Variants in DGKD observed in about 807,000 individuals in gnomAD.
The protein encoded by DGKD is diacylglycerol kinase delta.
In DGKD, 68 loss-of-function variants were observed where a neutral mutation model predicts 154.4. The observed-to-expected ratio is 0.44, with a 90% CI of 0.36 to 0.54. The LOEUF (loss-of-function observed/expected upper bound fraction) is 0.54, where lower values mean the gene tolerates loss of function less well. DGKD is among the 20% of genes least tolerant of loss of function. DGKD has a pLI of 0.00. For synonymous variants in DGKD, 693 were observed against 638.0 expected (o/e 1.09, Z -1.30); for missense variants, 1,343 against 1,593.6 (o/e 0.84, Z 2.68).
chr2:233,450,882 A>G (rs1307642301), intron 16 of DGKD, 40 bp from the exon 17 acceptor site: 5 of 1,577,158 alleles, frequency 3.2e-6, no homozygotes, highest in Admixed American at 3.4e-5. Flanking sequence ...CACAGTCTCT[A>G]TTCCACACAG....
chr2:233,419,416 C>G, intron 3 of DGKD: 1 of 985,568 alleles, frequency 1.0e-6, no homozygotes, highest in Non-Finnish European at 1.2e-6. Flanking sequence ...GCAGGAAGGG[C>G]AGCAGGTAAG....
intron 10 of DGKD, chr2:233,442,297 T>A: frequency 2.0e-6 from 1 of 504,554 alleles, no homozygotes; most frequent in Non-Finnish European, 3.7e-6. Context: ...GGCTGTTGCT[T>A]TACTGGGTAA....
In DGKD at chr2:233,454,423, G is replaced by A. The variant is rs576615191; in HGVS notation, c.2265-340G>A. 3.1e-4 allele frequency: 150 copies of A among 477,092 alleles called. No homozygotes were observed. In the East Asian group the frequency reaches 7.1e-3, roughly 23 times the overall value. The allele number at this position is 477,092 out of a possible 1,614,324, so 29.6% of individuals were successfully genotyped here. A position where few individuals can be genotyped will look rare whatever the true frequency, so the allele number is the denominator to read the frequency against. Reference sequence around the variant, plus strand: ...TTCCTGTGAACTGCCTAGAAGAGGCGCCTCCGTGGAGGTGGAAAGTAGACG... The same window carrying A: ...TTCCTGTGAACTGCCTAGAAGAGGCACCTCCGTGGAGGTGGAAAGTAGACG... On this transcript the variant is annotated intron_variant, in intron 18 of 29. Transcript: ENST00000264057.
At chr2:233,373,328 T>TGGGTCGGGTTAGGTGGTGA (rs1702416077) in intron 1 of DGKD, among the ~76,000 whole-genome samples, 1 of 152,234 alleles carries the variant, frequency 6.6e-6, no homozygotes, top group Admixed American at 6.5e-5. Context: ...TATGATATTG[T>TGGGTCGGGTTAGGTGGTGA]GGGTCGGGTT....
chr2:233,452,920 C>T lies in DGKD; in HGVS notation c.2264+860C>T, dbSNP rs1482824768. On this transcript the variant is annotated intron_variant, in intron 18 of 29. Transcript: ENST00000264057. This position sits in a 1 kb window ranked among gnomAD's most constrained non-coding sequence, Gnocchi z 4.0. The stretch of plus-strand genomic sequence containing the variant: ...GAGGCTCTGGGTTTGGGAAAGTGGA[C>T]CCCTAGATTCCAGGTGCTGGCCTGG... Among the ~76,000 whole-genome samples, 3 of 152,086 alleles carry T rather than the reference C, an allele frequency of 2.0e-5. No individual in the cohort carries two copies. Among genetic ancestry groups the T allele is most frequent in the Non-Finnish European group, 1.5e-5 (1 of 68,018 alleles).
chr2:233,354,930 G>T lies in DGKD; in HGVS notation c.156+256G>T. Among the ~76,000 whole-genome samples, 1 of 146,760 alleles carries T rather than the reference G, an allele frequency of 6.8e-6. No homozygotes were observed. Among genetic ancestry groups the T allele is most frequent in the African/African-American group, 2.5e-5 (1 of 40,574 alleles). On this transcript the variant is annotated intron_variant, in intron 1 of 29. Coordinates refer to ENST00000264057, the MANE Select transcript of DGKD (RefSeq NM_152879.3). This position sits in a 1 kb window ranked among gnomAD's most constrained non-coding sequence, Gnocchi z 4.8. ...CGCGCAGGTGGGCGCCCCGGGCGCC[G>T]CGCGCTGGGCGGGGGGCGCGCGCCG...
chr2:233,421,017 A>C (rs916221532), intron 3 of DGKD, among the ~76,000 whole-genome samples: 1 of 152,160 alleles, frequency 6.6e-6, no homozygotes, highest in Non-Finnish European at 1.5e-5. Flanking sequence ...CTCCAGAACT[A>C]TCAGCAGCAG....
At chr2:233,403,842 A>G (rs1181278029) in intron 3 of DGKD, among the ~76,000 whole-genome samples, 1 of 152,004 alleles carries the variant, frequency 6.6e-6, no homozygotes, top group East Asian at 1.9e-4. Flanking sequence ...GGGTTTCACC[A>G]TGCTGGCCAG....
intron 3 of DGKD, among the ~76,000 whole-genome samples, chr2:233,414,737 A>G (rs939109701): frequency 2.6e-5 from 4 of 152,198 alleles, no homozygotes; most frequent in Non-Finnish European, 5.9e-5. Flanking sequence ...AAGAAGTGCA[A>G]TAGTAGTGTG....
At chr2:233,358,246 A>G (rs574107027) in intron 1 of DGKD, among the ~76,000 whole-genome samples, 2 of 152,370 alleles carry the variant, frequency 1.3e-5, no homozygotes, top group East Asian at 3.9e-4. Context: ...ATTTCAGTGA[A>G]GAACCGTGTA....
intron 1 of DGKD, among the ~76,000 whole-genome samples, chr2:233,355,884 C>T (rs1275637759): frequency 6.6e-6 from 1 of 152,282 alleles, no homozygotes; most frequent in Non-Finnish European, 1.5e-5. Flanking sequence ...CTATCATCTC[C>T]GTCTTTTGGA....
In DGKD at chr2:233,388,325, T is replaced by G; in HGVS notation, c.225T>G (p.Phe75Leu). The change falls in exon 2 of 30, where the codon TTT becomes TTG. Residue 75 changes from phenylalanine (F) to leucine (L), a missense_variant. Phe to Leu is a conservative substitution (Grantham distance 22, BLOSUM62 0). This residue lies in a region of DGKD where 332 missense variants were observed against 400.1 expected (regional missense o/e 0.83). Coordinates refer to ENST00000264057, the MANE Select transcript of DGKD (RefSeq NM_152879.3). ...NSFQRSKRRY[F>L]KLRGRTLYYA... ...TCCAGCGATCAAAAAGGAGATACTT[T>G]AAGCTTCGAGGGCGAACGCTTTACT... The G allele has an allele frequency of 1.2e-6, 2 of 1,614,096 alleles. No homozygotes were observed. The highest frequency in any genetic ancestry group is 8.5e-7 in the Non-Finnish European group (1 of 1,180,026).
chr2:233,365,846 A>G (rs1454597121), intron 1 of DGKD, among the ~76,000 whole-genome samples: 4 of 152,272 alleles, frequency 2.6e-5, no homozygotes, highest in African/African-American at 4.8e-5. Context: ...AAATATGTAT[A>G]TATAAAATGG....
At chr2:233,379,563 A>T (rs1446598757) in intron 1 of DGKD, among the ~76,000 whole-genome samples, 1 of 152,076 alleles carries the variant, frequency 6.6e-6, no homozygotes, top group Non-Finnish European at 1.5e-5. Context: ...GATGCTCATC[A>T]CTGGTGGGGT....
Position 233,438,115 on chromosome 2 carries a change from G to A in DGKD, c.923-102G>A, listed in dbSNP as rs2062758418. On this transcript the variant is annotated intron_variant, in intron 8 of 29. Transcript: ENST00000264057. This position sits in a 1 kb window ranked among gnomAD's most constrained non-coding sequence, Gnocchi z 4.1. The stretch of plus-strand genomic sequence containing the variant: ...TGACTTACAGGTGTGCATGTGTCAG[G>A]TGTGTGTCCTTTGGGGGGGTCTGCT... 4.5e-5 allele frequency: 59 copies of A among 1,315,150 alleles called. No homozygotes were observed. The highest frequency in any genetic ancestry group is 6.2e-5 in the Non-Finnish European group (58 of 937,982). 81.5% of individuals were successfully genotyped at this position (1,315,150 alleles called of 1,614,324 possible). A position where few individuals can be genotyped will look rare whatever the true frequency, so the allele number is the denominator to read the frequency against.
rs912582736 is a variant in DGKD at position 233,438,108 on chromosome 2, G to T, written c.923-109G>T. ...CTCCTCCTGACTTACAGGTGTGCAT[G>T]TGTCAGGTGTGTGTCCTTTGGGGGG... On this transcript the variant is annotated intron_variant, in intron 8 of 29. Transcript: ENST00000264057. This position sits in a 1 kb window ranked among gnomAD's most constrained non-coding sequence, Gnocchi z 4.1. 3.3e-6 allele frequency: 4 copies of T among 1,214,634 alleles called. No homozygotes were observed. The African/African-American group carries it at 6.1e-5, about 18-fold the overall frequency. The allele number at this position is 1,214,634 out of a possible 1,614,324, so 75.2% of individuals were successfully genotyped here. A position where few individuals can be genotyped will look rare whatever the true frequency, so the allele number is the denominator to read the frequency against.
Position 233,438,175 on chromosome 2 carries a change from TC to T in DGKD, c.923-40del. Reference sequence around the variant, plus strand: ...TCCATCAGTGGTGCCCTCAGCGTCTTCCGTGGCCTATATATTTTCTTCTGTT... The same window carrying T: ...TCCATCAGTGGTGCCCTCAGCGTCTTCGTGGCCTATATATTTTCTTCTGTT... On this transcript the variant is annotated intron_variant, in intron 8 of 29. Coordinates refer to ENST00000264057, the MANE Select transcript of DGKD (RefSeq NM_152879.3). This position sits in a 1 kb window ranked among gnomAD's most constrained non-coding sequence, Gnocchi z 4.1. 6.2e-7 allele frequency: 1 copy of T among 1,604,790 alleles called. No homozygotes were observed. Among genetic ancestry groups the T allele is most frequent in the Non-Finnish European group, 8.5e-7 (1 of 1,174,502 alleles).
intron 24 of DGKD, among the ~76,000 whole-genome samples, chr2:233,460,784 C>G (rs2124932760): frequency 6.6e-6 from 1 of 152,220 alleles, no homozygotes. Flanking sequence ...CCCAGCTACT[C>G]TGGAGGCTGA....
At chr2:233,394,026 T>C (rs1703829029) in intron 3 of DGKD, among the ~76,000 whole-genome samples, 1 of 152,196 alleles carries the variant, frequency 6.6e-6, no homozygotes, top group African/African-American at 2.4e-5. Context: ...GTTCAAGTCC[T>C]CTTATGATCT....
Sources: allele counts gnomAD v4.1 joint callset (sites outside exome capture counted in the v4.1 genomes callset), GRCh38; gene constraint gnomAD v4.1.1; regional missense constraint gnomAD v4.1.1; non-coding constraint Gnocchi (gnomAD v3.1); transcripts MANE v1.5; gene names NCBI Gene and HGNC (gene_info 2026-07-23, HGNC 2026-07-21).